Variants in RASSF9 observed in about 807,000 individuals in gnomAD.
RASSF9 encodes ras association domain-containing protein 9.
In RASSF9, 18 loss-of-function variants were observed where a neutral mutation model predicts 21.4. The observed-to-expected ratio is 0.84, with a 90% CI of 0.58 to 1.25. The LOEUF (loss-of-function observed/expected upper bound fraction) is 1.25, where lower values mean the gene tolerates loss of function less well. Ranked by LOEUF, RASSF9 falls within the 50% of genes most tolerant of loss-of-function variation. The pLI, the probability that RASSF9 is intolerant of heterozygous loss-of-function variation, is 0.00. For missense variants in RASSF9, 480 were observed against 503.2 expected (o/e 0.95, Z 0.44); for synonymous variants, 183 against 179.1 (o/e 1.02, Z -0.18).
intron 1 of RASSF9, among the ~76,000 whole-genome samples, chr12:85,806,852 TAG>T (rs1879848196): frequency 1.3e-5 from 2 of 152,004 alleles, no homozygotes; most frequent in Non-Finnish European, 2.9e-5. Context: ...AGTGAAATCA[TAG>T]AGTTAAAAAT....
At chr12:85,816,963 G>GGAGATAGA (rs2136556081) in intron 1 of RASSF9, among the ~76,000 whole-genome samples, 1 of 152,184 alleles carries the variant, frequency 6.6e-6, no homozygotes, top group South Asian at 2.1e-4. Flanking sequence ...ATAACTCAAA[G>GGAGATAGA]ATGCCAAGTT....
At chr12:85,813,691 C>T (rs1217395016) in intron 1 of RASSF9, among the ~76,000 whole-genome samples, 2 of 151,740 alleles carry the variant, frequency 1.3e-5, no homozygotes, top group Non-Finnish European at 2.9e-5. Flanking sequence ...AAACACTAAA[C>T]TTTGGCTGAA....
intron 1 of RASSF9, among the ~76,000 whole-genome samples, chr12:85,822,180 T>C (rs17280755): frequency 0.054 from 8,175 of 152,312 alleles, 309 homozygotes; most frequent in Non-Finnish European, 0.078. Context: ...CGAATCCACA[T>C]TGGCTTTGCC....
intron 1 of RASSF9, among the ~76,000 whole-genome samples, chr12:85,826,132 A>G (rs767285718): frequency 2.4e-4 from 37 of 152,322 alleles, no homozygotes; most frequent in Non-Finnish European, 4.7e-4. Context: ...TACTGGTGGA[A>G]TATTTAGAAA....
rs774455714 is a variant in RASSF9, at chr12:85,805,812, C to T, written c.198G>A (p.Glu66=). The change falls in exon 2 of 2, where the codon GAG becomes GAA. Residue 66 remains glutamate, a synonymous_variant. Transcript: ENST00000361228. ...TGGGCTTCCCCAGAAGAAATCGTTT[C>T]TCTCCAAACGTAGCCTCATGTTCCT... ...LLEEHEATFG[E]KRFLLGKPSD... The T allele has an allele frequency of 9.9e-6, 16 of 1,613,816 alleles. No homozygotes were observed. In the African/African-American group the frequency reaches 2.0e-4, roughly 20 times the overall value.
intron 1 of RASSF9, among the ~76,000 whole-genome samples, chr12:85,821,106 T>C (rs184066211): frequency 2.4e-4 from 37 of 151,914 alleles, no homozygotes; most frequent in African/African-American, 8.9e-4. Flanking sequence ...ATGGCGCCAC[T>C]GCACTCCAGC....
At chr12:85,806,953 G>A (rs1375641097) in intron 1 of RASSF9, among the ~76,000 whole-genome samples, 1 of 151,904 alleles carries the variant, frequency 6.6e-6, no homozygotes, top group Non-Finnish European at 1.5e-5. Context: ...AAGATACTAA[G>A]GATATAGTAA....
At chr12:85,822,714 T>A (rs1447076322) in intron 1 of RASSF9, among the ~76,000 whole-genome samples, 1 of 152,206 alleles carries the variant, frequency 6.6e-6, no homozygotes, top group Non-Finnish European at 1.5e-5. Context: ...CTTTGCTTTA[T>A]AATTCACCCC....
rs148697372 is a variant in RASSF9, at chr12:85,832,236, A to G, written c.47+3919T>C. On this transcript the variant is annotated intron_variant, in intron 1 of 1. Transcript: ENST00000361228. ...TTTATCTTACAAATCACCTATGCAAACTATTCTAATTTCCTATTTTGAAAA... is the reference window on the plus strand; with the variant it reads ...TTTATCTTACAAATCACCTATGCAAGCTATTCTAATTTCCTATTTTGAAAA... Among the ~76,000 whole-genome samples, 444 of 151,994 alleles carry G rather than the reference A, an allele frequency of 2.9e-3. 1 individual carries two copies. Among genetic ancestry groups the G allele is most frequent in the African/African-American group, 0.01 (423 of 41,566 alleles).
At chr12:85,807,474 G>C (rs549625528) in intron 1 of RASSF9, among the ~76,000 whole-genome samples, 1 of 152,054 alleles carries the variant, frequency 6.6e-6, no homozygotes, top group South Asian at 2.1e-4. Flanking sequence ...TCTGTCTTCT[G>C]TTTGTGAAAT....
chr12:85,825,710 G>A (rs1162949138), intron 1 of RASSF9, among the ~76,000 whole-genome samples: 1 of 151,724 alleles, frequency 6.6e-6, no homozygotes, highest in Admixed American at 6.6e-5. Context: ...AATGTTTATT[G>A]AACTTCAATA....
rs938316308 is a variant in RASSF9 at position 85,810,303 on chromosome 12, CAT to C, written c.48-4343_48-4342del. ...ATGGGAAATGTGTATGATACAAAGA[CAT>C]GTGTGATTTACAAGAAAATGTTTCT... On this transcript the variant is annotated intron_variant, in intron 1 of 1. Coordinates refer to ENST00000361228, the MANE Select transcript of RASSF9 (RefSeq NM_005447.4). Among the ~76,000 whole-genome samples the C allele has an allele frequency of 2.1e-3, 315 of 152,008 alleles. 2 individuals are homozygous for C. Among genetic ancestry groups the C allele is most frequent in the African/African-American group, 6.9e-3 (287 of 41,528 alleles).
chr12:85,817,057 G>A (rs1880086527), intron 1 of RASSF9, among the ~76,000 whole-genome samples: 1 of 152,114 alleles, frequency 6.6e-6, no homozygotes, highest in African/African-American at 2.4e-5. Flanking sequence ...AGGCTTAAAT[G>A]TATAGAATGT....
intron 1 of RASSF9, among the ~76,000 whole-genome samples, chr12:85,831,654 T>G (rs982203902): frequency 6.6e-6 from 1 of 151,890 alleles, no homozygotes; most frequent in Admixed American, 6.6e-5. Context: ...ATCTGGCACT[T>G]CTCCATACAA....
intron 1 of RASSF9, among the ~76,000 whole-genome samples, chr12:85,806,688 A>G (rs1302610963): frequency 3.3e-5 from 5 of 149,708 alleles, no homozygotes; most frequent in African/African-American, 9.8e-5. Context: ...AAAAAAAAAA[A>G]AAAAAAAAAA....
At chr12:85,826,447 AT>A (rs560187497) in intron 1 of RASSF9, among the ~76,000 whole-genome samples, 27,355 of 130,422 alleles carry the variant, frequency 0.21, 2,484 homozygotes, top group Non-Finnish European at 0.26. Flanking sequence ...TCCTTCCAAT[AT>A]TTTTTTTTTT....
Position 85,804,566 on chromosome 12 carries a change from T to C in RASSF9, c.*136A>G, listed in dbSNP as rs1879772571. On this transcript the variant is annotated 3_prime_UTR_variant, in exon 2 of 2. Coordinates refer to ENST00000361228, the MANE Select transcript of RASSF9 (RefSeq NM_005447.4). ...GAAATTTCACATCAGAAACAACACA[T>C]TTCTCGAGTTTTTATTAACTATTGA... The C allele has an allele frequency of 1.1e-6, 1 of 871,282 alleles. No individual in the cohort carries two copies. Among genetic ancestry groups the C allele is most frequent in the Admixed American group, 3.6e-5 (1 of 27,780 alleles). 54.0% of individuals were successfully genotyped at this position (871,282 alleles called of 1,614,324 possible). A position where few individuals can be genotyped will look rare whatever the true frequency, so the allele number is the denominator to read the frequency against.
chr12:85,814,657 A>G (rs1880022173), intron 1 of RASSF9, among the ~76,000 whole-genome samples: 1 of 140,326 alleles, frequency 7.1e-6, no homozygotes, highest in African/African-American at 2.6e-5. Flanking sequence ...ATATGAATAG[A>G]AATTTTTTTT....
rs1338804900 is a variant in RASSF9, at chr12:85,813,167, T to C, written c.48-7205A>G. On this transcript the variant is annotated intron_variant, in intron 1 of 1. Coordinates refer to ENST00000361228, the MANE Select transcript of RASSF9 (RefSeq NM_005447.4). ...TTCATCATAAATTCAAGAGGATTTA[T>C]ATACTACATGAAACTTTCAACAACA... is the stretch of plus-strand genomic sequence containing the variant. Among the ~76,000 whole-genome samples the C allele has an allele frequency of 2.0e-5, 3 of 152,076 alleles. No homozygotes were observed. The East Asian group carries it at 5.8e-4, about 29-fold the overall frequency.
Sources: allele counts gnomAD v4.1 joint callset (sites outside exome capture counted in the v4.1 genomes callset), GRCh38; gene constraint gnomAD v4.1.1; transcripts MANE v1.5; gene names NCBI Gene and HGNC (gene_info 2026-07-23, HGNC 2026-07-21).